WDR59: variants seen among roughly 807,000 people sequenced by gnomAD.
WDR59 encodes the protein WD repeat domain 59, also known as GATOR2 complex protein WDR59.
In WDR59, 100 loss-of-function variants were observed where a neutral mutation model predicts 131.2. The ratio of observed to expected loss-of-function variants is 0.76; its 90% confidence interval spans 0.65 to 0.90. The LOEUF is 0.90. Ranked by LOEUF, WDR59 falls within the 40% of genes least tolerant of loss-of-function variation. The pLI is 0.00. For missense variants in WDR59, 1,203 were observed against 1,262.2 expected (o/e 0.95, Z 0.71); for synonymous variants, 601 against 466.2 (o/e 1.29, Z -3.72).
intron 18 of WDR59, 35 bp from the exon 19 acceptor site, chr16:74,893,847 C>G (rs758826038): frequency 1.2e-6 from 2 of 1,606,960 alleles, no homozygotes; most frequent in Non-Finnish European, 1.7e-6. Context: ...CTAATGGGGA[C>G]TTTGACAAGT....
chr16:74,942,630 C>T (rs2032319258), intron 7 of WDR59, 108 bp downstream of exon 7: 2 of 1,030,356 alleles, frequency 1.9e-6, no homozygotes, highest in Non-Finnish European at 1.5e-6. Flanking sequence ...TACCATGCTG[C>T]ACAGGGTTCC....
chr16:74,878,630 A>C (rs1964331407), intron 25 of WDR59, among the ~76,000 whole-genome samples: 1 of 152,168 alleles, frequency 6.6e-6, no homozygotes, highest in South Asian at 2.1e-4. Context: ...TGGGTGACAG[A>C]GAGAGACCTT....
intron 20 of WDR59, among the ~76,000 whole-genome samples, chr16:74,890,111 A>G (rs933502980): frequency 1.3e-5 from 2 of 152,202 alleles, no homozygotes; most frequent in Non-Finnish European, 2.9e-5. Flanking sequence ...TAATAATTTC[A>G]GTGGGTCATC....
At position 74,895,558 on chromosome 16, in the gene WDR59, C is replaced by T. The variant is rs1023679432; in HGVS notation, c.1867-1746G>A. ...GATTACAGGCATGAGCCACCACGCC[C>T]GGCCCCATTTGATCTTAAGAAGCAG... On this transcript the variant is annotated intron_variant, in intron 18 of 25. Transcript: ENST00000262144. 1.7e-4 allele frequency among the ~76,000 whole-genome samples: 26 copies of T among 152,294 alleles called. 1 individual carries two copies. The highest frequency in any genetic ancestry group is 6.3e-4 in the African/African-American group (26 of 41,562).
intron 18 of WDR59, among the ~76,000 whole-genome samples, chr16:74,903,273 G>C (rs1965637553): frequency 6.6e-6 from 1 of 152,204 alleles, no homozygotes; most frequent in African/African-American, 2.4e-5. Context: ...CATCATGTCA[G>C]CTAGAAGTCT....
At chr16:74,954,291 C>G (rs1292494558) in intron 3 of WDR59, among the ~76,000 whole-genome samples, 1 of 151,956 alleles carries the variant, frequency 6.6e-6, no homozygotes, top group Non-Finnish European at 1.5e-5. Flanking sequence ...GCTTGTAATC[C>G]CAGCTACTTG....
intron 2 of WDR59, among the ~76,000 whole-genome samples, chr16:74,957,982 G>A (rs2033371701): frequency 6.6e-6 from 1 of 152,134 alleles, no homozygotes; most frequent in South Asian, 2.1e-4. Flanking sequence ...AGAATCTCTG[G>A]CCTGCTCCAA....
chr16:74,929,956 C>G (rs1289344264), intron 8 of WDR59, among the ~76,000 whole-genome samples: 2 of 152,188 alleles, frequency 1.3e-5, no homozygotes, highest in Admixed American at 6.6e-5. Flanking sequence ...CATGTTCTCA[C>G]TCATTTGTGG....
chr16:74,918,008 C>A lies in WDR59; in HGVS notation c.887G>T (p.Gly296Val). ...CGTCACCAGTTGATAGTCCTTGGAC[C>A]CTAGAAATCACCAAATAAGAATCCT... ...LEFQWRKQKE[G>V]SKDYQLVTWS... Residue 296 changes from glycine to valine, a missense_variant and splice_region_variant, in exon 11 of 26, where the codon GGG (glycine) becomes GTG (valine). Transcript: ENST00000262144. The A allele has an allele frequency of 6.2e-7, 1 of 1,613,228 alleles. No homozygotes were observed. The highest frequency in any genetic ancestry group is 8.5e-7 in the Non-Finnish European group (1 of 1,179,662).
In WDR59 at chr16:74,959,393, C is replaced by T. The variant is rs61262797; in HGVS notation, c.105-2783G>A. ...TACCCACTTAAAGAGAGATGCCAGT[C>T]GCTCTTTAGCATTAGCAGCCAACGA... On this transcript the variant is annotated intron_variant, in intron 2 of 25. Coordinates refer to ENST00000262144, the MANE Select transcript of WDR59 (RefSeq NM_030581.4). The T allele has an allele frequency of 4.3e-5, 14 of 325,380 alleles. No individual in the cohort carries two copies. The Admixed American group carries it at 5.3e-4, about 12-fold the overall frequency. 20.2% of individuals were successfully genotyped at this position (325,380 alleles called of 1,614,324 possible). A position where few individuals can be genotyped will look rare whatever the true frequency, so the allele number is the denominator to read the frequency against.
At chr16:74,949,879 C>A in intron 4 of WDR59, 81 bp from the exon 5 acceptor site, 1 of 1,248,958 alleles carries the variant, frequency 8.0e-7, no homozygotes, top group Non-Finnish European at 1.2e-6. Flanking sequence ...CATCGAGTCT[C>A]CAGTGGCTTC....
Position 74,938,265 on chromosome 16 carries a change from T to G in WDR59, c.536A>C (p.Lys179Thr), listed in dbSNP as rs1312799921. 3.3e-6 allele frequency: 5 copies of G among 1,524,062 alleles called. No homozygotes were observed. Among genetic ancestry groups the G allele is most frequent in the Non-Finnish European group, 4.4e-6 (5 of 1,134,076 alleles). The allele number at this position is 1,524,062 out of a possible 1,614,324, so 94.4% of individuals were successfully genotyped here. ...DGDVRIWDKRKPSTAVEYLAA... is the reference protein window; with the variant it reads ...DGDVRIWDKRTPSTAVEYLAA... ...TAGATATTCCACTGCTGTACTGGGT[T>G]TCTGCAACAGATCAGCACCTAATAT... The change falls in exon 8 of 26, where the codon AAA becomes ACA. Residue 179 changes from lysine (K) to threonine (T), a missense_variant and splice_region_variant. Lys to Thr is a moderately conservative substitution (Grantham distance 78). Coordinates refer to ENST00000262144, the MANE Select transcript of WDR59 (RefSeq NM_030581.4).
intron 13 of WDR59, among the ~76,000 whole-genome samples, chr16:74,914,151 G>A (rs1044190195): frequency 6.6e-6 from 1 of 152,160 alleles, no homozygotes; most frequent in African/African-American, 2.4e-5. Context: ...GGCAGAGCCT[G>A]CAGTGAGTCA....
At chr16:74,943,259 G>A (rs572419868) in intron 6 of WDR59, among the ~76,000 whole-genome samples, 1,491 of 140,124 alleles carry the variant, frequency 0.011, 23 homozygotes, top group Middle Eastern at 0.025. Flanking sequence ...TTTTTTAATT[G>A]TTGAGCAATA....
At chr16:74,930,103 C>A (rs964489857) in intron 8 of WDR59, among the ~76,000 whole-genome samples, 1 of 151,724 alleles carries the variant, frequency 6.6e-6, no homozygotes, top group African/African-American at 2.4e-5. Flanking sequence ...TATAGTTAGG[C>A]AGAATGAAAA....
chr16:74,908,422 A>C (rs1965924614), intron 17 of WDR59, among the ~76,000 whole-genome samples: 1 of 152,212 alleles, frequency 6.6e-6, no homozygotes, highest in Non-Finnish European at 1.5e-5. Context: ...GTCTCAAAAA[A>C]AGAAAAAAGA....
intron 24 of WDR59, 171 bp downstream of exon 24, chr16:74,886,099 G>T: frequency 1.2e-6 from 1 of 843,482 alleles, no homozygotes; most frequent in Non-Finnish European, 1.7e-6. Context: ...AATCACTTGA[G>T]CCTGGGAAGC....
intron 1 of WDR59, among the ~76,000 whole-genome samples, chr16:74,973,268 C>T (rs1266869102): frequency 7.2e-6 from 1 of 138,008 alleles, no homozygotes; most frequent in Admixed American, 7.6e-5. Context: ...TACATGAACA[C>T]TGCTGCCAAA....
intron 1 of WDR59, among the ~76,000 whole-genome samples, chr16:74,982,238 T>G (rs1300910236): frequency 6.6e-6 from 1 of 151,972 alleles, no homozygotes; most frequent in African/African-American, 2.4e-5. Flanking sequence ...AACTTTGTCT[T>G]TCTACATTAA....
Sources: gnomAD v4.1 joint callset for allele counts (sites outside exome capture counted in the v4.1 genomes callset) on GRCh38, gnomAD v4.1.1 for gene constraint, MANE v1.5 for transcripts, NCBI Gene and HGNC (gene_info 2026-07-23, HGNC 2026-07-21) for gene names.